Variants in NMBR observed in about 807,000 individuals in gnomAD.
NMBR encodes neuromedin-B receptor.
In NMBR, 16 loss-of-function variants were observed where a neutral mutation model predicts 20.5. That is an observed-to-expected ratio of 0.78 (90% CI 0.53 to 1.19). NMBR has a LOEUF of 1.19. Among genes scored for constraint, NMBR ranks in the 50% most tolerant of loss-of-function variants. The pLI is 0.00. For missense variants in NMBR, 582 were observed against 499.1 expected, an observed-to-expected ratio of 1.17 and a Z score of -1.58; for synonymous variants, 212 against 196.6, an observed-to-expected ratio of 1.08 and a Z score of -0.65.
At chr6:142,101,124 G>A (rs1368407602) in intron 1 of NMBR, among the ~76,000 whole-genome samples, 3 of 152,076 alleles carry the variant, frequency 2.0e-5, no homozygotes, top group Admixed American at 2.0e-4. Flanking sequence ...CAGAAGTGAA[G>A]GAAAGAAACA....
At chr6:142,122,381 G>A (rs1039437210) in intron 1 of NMBR, among the ~76,000 whole-genome samples, 1 of 151,920 alleles carries the variant, frequency 6.6e-6, no homozygotes, top group African/African-American at 2.4e-5. Flanking sequence ...TGTAATGCAA[G>A]ATGGTATATC....
chr6:142,131,510 T>A (rs1405959837), intron 1 of NMBR, among the ~76,000 whole-genome samples: 1 of 152,172 alleles, frequency 6.6e-6, no homozygotes, highest in Non-Finnish European at 1.5e-5. Flanking sequence ...GCTGTTAGCA[T>A]GCAAGAAACA....
At chr6:142,093,408 T>C (rs1357466842) in intron 1 of NMBR, among the ~76,000 whole-genome samples, 1 of 149,374 alleles carries the variant, frequency 6.7e-6, no homozygotes, top group African/African-American at 2.5e-5. Context: ...CAGTGTTTGG[T>C]TTTTTGTCCT....
Position 142,088,477 on chromosome 6 carries a change from T to C in NMBR, c.182A>G (p.Asn61Ser). The C allele has an allele frequency of 6.2e-7, 1 of 1,614,056 alleles. No homozygotes were observed. Among genetic ancestry groups the C allele is most frequent in the Non-Finnish European group, 8.5e-7 (1 of 1,180,004 alleles). ...GATGAAGATCTTCACCAGCATGATG[T>C]TGCCCAGCAAGCCCACGGTGATGAT... ...LLIITVGLLG[N>S]IMLVKIFITN... The change falls in exon 2 of 4, where the codon AAC (asparagine) becomes AGC (serine). Residue 61 changes from asparagine (N) to serine (S), a missense_variant. By Grantham distance (46) the Asn-to-Ser change is conservative. Transcript: ENST00000258042.
rs747472736 is a variant in NMBR, at chr6:142,075,744, C to T, written c.1077G>A (p.Ala359=). 28 of 1,613,898 alleles carry T rather than the reference C, an allele frequency of 1.7e-5. No homozygotes were observed. The highest frequency in any genetic ancestry group is 1.6e-4 in the Middle Eastern group (1 of 6,080). Residue 359 remains alanine, a synonymous_variant, in exon 4 of 4, where the codon GCG becomes GCA. Transcript: ENST00000258042. ...TGCTTTTCAGAGATGTCATACGCAC[C>T]GCTGAAGAGCTGAGTAGGTAGCTGG... The part of the protein sequence containing the change: ...RGTSYLLSSS[A]VRMTSLKSNA...
At chr6:142,119,057 A>G (rs967949877) in intron 1 of NMBR, among the ~76,000 whole-genome samples, 2 of 152,032 alleles carry the variant, frequency 1.3e-5, no homozygotes, top group Non-Finnish European at 2.9e-5. Flanking sequence ...GCAGCCCTGC[A>G]AATGGAATGG....
At chr6:142,102,381 C>A (rs1777581228) in intron 1 of NMBR, among the ~76,000 whole-genome samples, 1 of 139,320 alleles carries the variant, frequency 7.2e-6, no homozygotes, top group African/African-American at 2.6e-5. Flanking sequence ...CAGAGCAACA[C>A]TCTGTCTCAA....
intron 1 of NMBR, among the ~76,000 whole-genome samples, chr6:142,095,885 G>C (rs2114575334): frequency 6.6e-6 from 1 of 152,284 alleles, no homozygotes; most frequent in East Asian, 1.9e-4. Flanking sequence ...TCTTGGGAGG[G>C]TGTATGTGTC....
In NMBR at chr6:142,075,885, G is replaced by A. The variant is rs775085766; in HGVS notation, c.936C>T (p.Leu312=). 1.2e-6 allele frequency: 2 copies of A among 1,614,058 alleles called. No homozygotes were observed. The highest frequency in any genetic ancestry group is 2.2e-5 in the South Asian group (2 of 91,082). Residue 312 remains leucine (L), a synonymous_variant, in exon 4 of 4, where the codon CTC becomes CTT. Transcript: ENST00000258042. ...HMIVTLVARV[L]SFGNSCVNPF... ...GGTTGACACAAGAATTGCCAAAACT[G>A]AGAACCCGGGCAACTAAGGTGACAA... is the stretch of plus-strand genomic sequence containing the variant.
At chr6:142,111,326 A>G (rs1449941301) in intron 1 of NMBR, among the ~76,000 whole-genome samples, 1 of 152,046 alleles carries the variant, frequency 6.6e-6, no homozygotes, top group Non-Finnish European at 1.5e-5. Flanking sequence ...ACACAACAAA[A>G]CCTGTTACCT....
chr6:142,085,792 G>T (rs1777188069), intron 2 of NMBR, among the ~76,000 whole-genome samples: 1 of 152,084 alleles, frequency 6.6e-6, no homozygotes, highest in Non-Finnish European at 1.5e-5. Flanking sequence ...CTTAGGCAAA[G>T]ATCTTGTTAG....
rs183323971 is a variant in NMBR, at chr6:142,104,585, G to A, written c.-663-15264C>T. 3.0e-4 allele frequency among the ~76,000 whole-genome samples: 45 copies of A among 152,166 alleles called. No homozygotes were observed. In the East Asian group the frequency reaches 8.3e-3, roughly 28 times the overall value. The stretch of plus-strand genomic sequence containing the variant: ...GATCACAGGTCACCATAAAATAATA[G>A]TCATTCATTTAGCCAAAGTGATAAT... On this transcript the variant is annotated intron_variant, in intron 1 of 3. Transcript: ENST00000258042.
intron 1 of NMBR, among the ~76,000 whole-genome samples, chr6:142,132,585 T>C (rs565611258): frequency 1.3e-5 from 2 of 152,324 alleles, no homozygotes; most frequent in East Asian, 3.9e-4. Flanking sequence ...GCAATAACTA[T>C]TATATCCTGT....
At chr6:142,107,061 T>C (rs1484162195) in intron 1 of NMBR, among the ~76,000 whole-genome samples, 2 of 152,194 alleles carry the variant, frequency 1.3e-5, no homozygotes, top group African/African-American at 2.4e-5. Context: ...TTAGCTAGAA[T>C]TACGAGTTCA....
At chr6:142,123,201 C>G (rs1319816910) in intron 1 of NMBR, among the ~76,000 whole-genome samples, 1 of 151,828 alleles carries the variant, frequency 6.6e-6, no homozygotes, top group Non-Finnish European at 1.5e-5. Context: ...ATGAAAGTTT[C>G]AAGACTGCAG....
At chr6:142,118,840 T>TTTG (rs1777896612) in intron 1 of NMBR, among the ~76,000 whole-genome samples, 1 of 151,994 alleles carries the variant, frequency 6.6e-6, no homozygotes, top group South Asian at 2.1e-4. Flanking sequence ...GAATACAGCA[T>TTTG]TCTCTTATTT....
chr6:142,088,774 T>C lies in NMBR; in HGVS notation c.-116A>G. On this transcript the variant is annotated 5_prime_UTR_variant, in exon 2 of 4. Transcript: ENST00000258042. Reference sequence around the variant, plus strand: ...CTCCCTCTCGCCCCTGCAAGTTTACTGTCCGCGGGGCAAGCCTCACAGCAC... The same window carrying C: ...CTCCCTCTCGCCCCTGCAAGTTTACCGTCCGCGGGGCAAGCCTCACAGCAC... 1 of 941,686 alleles carries C rather than the reference T, an allele frequency of 1.1e-6. No individual in the cohort carries two copies. The highest frequency in any genetic ancestry group is 1.6e-6 in the Non-Finnish European group (1 of 641,822). The allele number at this position is 941,686 out of a possible 1,614,324, so 58.3% of individuals were successfully genotyped here. A position where few individuals can be genotyped will look rare whatever the true frequency, so the allele number is the denominator to read the frequency against.
chr6:142,134,690 T>G, intron 1 of NMBR: 3 of 696,046 alleles, frequency 4.3e-6, no homozygotes, highest in Non-Finnish European at 5.2e-6. Context: ...CTAGCGGCAA[T>G]AGCATTCTGG....
At chr6:142,143,365 A>T (rs896213604) in intron 1 of NMBR, among the ~76,000 whole-genome samples, 2 of 152,130 alleles carry the variant, frequency 1.3e-5, no homozygotes, top group African/African-American at 4.8e-5. Flanking sequence ...GCTCACTGCC[A>T]CCTCTGCCTC....
Sources: gnomAD v4.1 joint callset for allele counts (sites outside exome capture counted in the v4.1 genomes callset) on GRCh38, gnomAD v4.1.1 for gene constraint, MANE v1.5 for transcripts, NCBI Gene and HGNC (gene_info 2026-07-23, HGNC 2026-07-21) for gene names.